Variants in CPLANE1 observed in about 807,000 individuals in gnomAD.
CPLANE1 encodes the protein ciliogenesis and planar polarity effector 1.
A neutral mutation model predicts 362.5 loss-of-function variants in CPLANE1; 263 were observed. That is an observed-to-expected ratio of 0.73 (90% CI 0.66 to 0.80). CPLANE1 has a LOEUF of 0.80. Ranked by LOEUF, CPLANE1 falls within the 30% of genes least tolerant of loss-of-function variation. CPLANE1 has a pLI of 0.00. For missense variants in CPLANE1, 3,461 were observed against 3,793.4 expected (o/e 0.91, Z 2.30); for synonymous variants, 1,212 against 1,302.6 (o/e 0.93, Z 1.50).
rs73095728 is a variant in CPLANE1, at chr5:37,136,439, C to A, written c.8792+2281G>T. Among the ~76,000 whole-genome samples the A allele has an allele frequency of 7.3e-3, 1,110 of 152,332 alleles. 17 individuals are homozygous for A. Among genetic ancestry groups the A allele is most frequent in the African/African-American group, 0.025 (1,044 of 41,580 alleles). ...TGCAGGGTACAGCCCTCTGTCCCAG[C>A]TGCTTTCACAGCCAGCATTGTCTGT... On this transcript the variant is annotated intron_variant, in intron 46 of 52. Coordinates refer to ENST00000651892, the MANE Select transcript of CPLANE1 (RefSeq NM_001384732.1).
chr5:37,180,022 T>G lies in CPLANE1; in HGVS notation c.5732A>C (p.Tyr1911Ser), dbSNP rs776408370. Residue 1911 changes from tyrosine to serine, a missense_variant, in exon 28 of 53, where the codon TAT (tyrosine) becomes TCT (serine). Coordinates refer to ENST00000651892, the MANE Select transcript of CPLANE1 (RefSeq NM_001384732.1). Reference sequence around the variant, plus strand: ...GATTATCTAAATGAACTGACCTTCATAGTCTGATATGTGCATATCCATTTC... The same window carrying G: ...GATTATCTAAATGAACTGACCTTCAGAGTCTGATATGTGCATATCCATTTC... ...EEEMDMHISD[Y>S]EEDIEESVGG... is the part of the protein sequence containing the mutation. 3 of 1,542,310 alleles carry G rather than the reference T, an allele frequency of 1.9e-6. No individual in the cohort carries two copies. The highest frequency in any genetic ancestry group is 2.2e-5 in the Admixed American group (1 of 44,740).
chr5:37,175,304 G>A (rs1418569579), intron 31 of CPLANE1, among the ~76,000 whole-genome samples: 3 of 152,182 alleles, frequency 2.0e-5, no homozygotes, highest in Non-Finnish European at 4.4e-5. Flanking sequence ...TCTTTAAACT[G>A]AGTGTAGCAA....
At chr5:37,173,402 T>C (rs1780324160) in intron 32 of CPLANE1, among the ~76,000 whole-genome samples, 1 of 152,092 alleles carries the variant, frequency 6.6e-6, no homozygotes, top group Non-Finnish European at 1.5e-5. Context: ...AATAGGTCAT[T>C]GTGAGAAGTA....
At chr5:37,100,918 C>T in the CPLANE1 span, among the ~76,000 whole-genome samples, 7 of 152,010 alleles carry the variant, frequency 4.6e-5, no homozygotes, top group South Asian at 2.1e-4. Flanking sequence ...GCTTGTCTGT[C>T]GTTGGTGAAA....
At chr5:37,155,756 C>T (rs779202145) in intron 41 of CPLANE1, among the ~76,000 whole-genome samples, 9 of 152,206 alleles carry the variant, frequency 5.9e-5, no homozygotes, top group Admixed American at 3.9e-4. Flanking sequence ...TGAAATTAAT[C>T]TGTAGCTTAT....
intron 3 of CPLANE1, 54 bp downstream of exon 3, chr5:37,245,656 T>A: frequency 6.7e-7 from 1 of 1,481,882 alleles, no homozygotes; most frequent in South Asian, 1.4e-5. Flanking sequence ...AACATCACCC[T>A]AAGTTATTAA....
chr5:37,105,464 T>C (rs942891775), downstream of CPLANE1, among the ~76,000 whole-genome samples: 8 of 152,168 alleles, frequency 5.3e-5, no homozygotes, highest in African/African-American at 1.9e-4. Context: ...GAAAACTAGA[T>C]GTCTATTGCA....
At chr5:37,134,165 G>A (rs978214206) in intron 46 of CPLANE1, among the ~76,000 whole-genome samples, 1 of 152,150 alleles carries the variant, frequency 6.6e-6, no homozygotes, top group African/African-American at 2.4e-5. Flanking sequence ...AGAATGATTG[G>A]GGAGGAGTCT....
chr5:37,212,741 G>A (rs989488249), intron 16 of CPLANE1, among the ~76,000 whole-genome samples: 12 of 152,120 alleles, frequency 7.9e-5, no homozygotes, highest in African/African-American at 2.9e-4. Flanking sequence ...AAAGTAAATG[G>A]TCCAAATAAA....
At chr5:37,102,472 G>A (rs974497039), downstream of CPLANE1, among the ~76,000 whole-genome samples, 1 of 152,134 alleles carries the variant, frequency 6.6e-6, no homozygotes, top group Non-Finnish European at 1.5e-5. Flanking sequence ...ACAGGCATGA[G>A]CCACCATGCC....
the CPLANE1 span, among the ~76,000 whole-genome samples, chr5:37,087,798 G>A: frequency 0.044 from 6,686 of 152,272 alleles, 239 homozygotes; most frequent in Admixed American, 0.059. Flanking sequence ...AAGAAAAAGC[G>A]TTAAAGAAAA....
Position 37,162,487 on chromosome 5 carries a change from A to G in CPLANE1, c.7668T>C (p.Asp2556=). The G allele has an allele frequency of 2.5e-6, 4 of 1,611,164 alleles. No homozygotes were observed. Among genetic ancestry groups the G allele is most frequent in the South Asian group, 1.1e-5 (1 of 90,968 alleles). Residue 2556 remains aspartate, a synonymous_variant, in exon 38 of 53, where the codon GAT becomes GAC. Coordinates refer to ENST00000651892, the MANE Select transcript of CPLANE1 (RefSeq NM_001384732.1). The part of the protein sequence containing the change: ...SVKKKAIGSQ[D]ASTNTDPEHE... ...TACCTGGGTCTGTATTTGTACTTGC[A>G]TCTTGACTTCCTATAGCTTTCTTTT...
chr5:37,222,541 G>T (rs992183207), intron 14 of CPLANE1, among the ~76,000 whole-genome samples: 1 of 152,188 alleles, frequency 6.6e-6, no homozygotes, highest in African/African-American at 2.4e-5. Context: ...CTCTTTCTCT[G>T]TTGAAGCCAC....
the CPLANE1 span, among the ~76,000 whole-genome samples, chr5:37,084,890 T>A: frequency 6.6e-6 from 1 of 151,914 alleles, no homozygotes; most frequent in African/African-American, 2.4e-5. Context: ...AGGACTCATA[T>A]AAACTTAAGG....
Position 37,213,554 on chromosome 5 carries a change from A to G in CPLANE1, c.2920+5T>C, listed in dbSNP as rs753188575. Reference sequence around the variant, plus strand: ...AGTTTAAAAAGGATTTGTTTACTACATTACCTGTTTTAATATGAAGTGGGG... The same window carrying G: ...AGTTTAAAAAGGATTTGTTTACTACGTTACCTGTTTTAATATGAAGTGGGG... On this transcript the variant is annotated splice_donor_5th_base_variant and intron_variant, in intron 16 of 52. Coordinates refer to ENST00000651892, the MANE Select transcript of CPLANE1 (RefSeq NM_001384732.1). 3.5e-5 allele frequency: 53 copies of G among 1,528,252 alleles called. No individual in the cohort carries two copies. The South Asian group carries it at 6.3e-4, about 18-fold the overall frequency. The allele number at this position is 1,528,252 out of a possible 1,614,324, so 94.7% of individuals were successfully genotyped here. A position where few individuals can be genotyped will look rare whatever the true frequency, so the allele number is the denominator to read the frequency against.
chr5:37,144,850 CAAA>C (rs530265427), intron 43 of CPLANE1, among the ~76,000 whole-genome samples: 2 of 64,200 alleles, frequency 3.1e-5, no homozygotes, highest in African/African-American at 5.5e-5. Flanking sequence ...GACTCTGTCT[CAAA>C]AAAAAAAAAA....
At chr5:37,165,004 G>A (rs949885097) in intron 36 of CPLANE1, among the ~76,000 whole-genome samples, 2 of 152,096 alleles carry the variant, frequency 1.3e-5, no homozygotes, top group Non-Finnish European at 2.9e-5. Flanking sequence ...TATTTGGGAG[G>A]CTGAAGCAGG....
chr5:37,149,556 G>C (rs2150545852), intron 42 of CPLANE1, among the ~76,000 whole-genome samples: 1 of 152,240 alleles, frequency 6.6e-6, no homozygotes, highest in Non-Finnish European at 1.5e-5. Context: ...AGGGCCGACT[G>C]TATACTATGT....
chr5:37,175,775 T>C (rs1780996042), intron 31 of CPLANE1, 134 bp downstream of exon 31: 2 of 651,152 alleles, frequency 3.1e-6, no homozygotes, highest in South Asian at 3.9e-5. Flanking sequence ...CAATGTTTTA[T>C]GTTGCTTTCA....
Sources: allele counts gnomAD v4.1 joint callset (sites outside exome capture counted in the v4.1 genomes callset), GRCh38; gene constraint gnomAD v4.1.1; transcripts MANE v1.5; gene names NCBI Gene and HGNC (gene_info 2026-07-23, HGNC 2026-07-21).